PHF21B: variants seen among roughly 807,000 people sequenced by gnomAD.
The protein encoded by PHF21B is PHD finger protein 21B, also known as PHD finger protein 4.
Under a neutral mutation model 62.2 loss-of-function variants are expected in PHF21B, and 22 were observed. That is an observed-to-expected ratio of 0.35 (90% confidence interval 0.25 to 0.51). The LOEUF (loss-of-function observed/expected upper bound fraction) is 0.51. Among genes scored for constraint, PHF21B ranks in the 20% least tolerant of loss-of-function variants. The probability of loss-of-function intolerance (pLI) is 0.97; values close to 1 mark genes in which losing one functional copy is unlikely to be tolerated. For synonymous variants in PHF21B, 341 were observed against 314.7 expected (o/e 1.08, Z -0.88); for missense variants, 701 against 707.9 (o/e 0.99, Z 0.11).
chr22:45,008,332 G>C (rs960107011), intron 2 of PHF21B: 5 of 413,546 alleles, frequency 1.2e-5, no homozygotes, highest in African/African-American at 2.1e-5. Flanking sequence ...TCCTCTCTTC[G>C]GCCCCCGCAG....
At chr22:44,918,698 G>A (rs2071482730) in intron 3 of PHF21B, among the ~76,000 whole-genome samples, 1 of 152,258 alleles carries the variant, frequency 6.6e-6, no homozygotes, top group Non-Finnish European at 1.5e-5. Flanking sequence ...CTGTCCTGGA[G>A]GCCAGCAGGC....
Position 45,009,336 on chromosome 22 carries a change from G to A in PHF21B, c.54+160C>T, listed in dbSNP as rs2073383530. 37 of 729,486 alleles carry A rather than the reference G, an allele frequency of 5.1e-5. No individual in the cohort carries two copies. The South Asian group carries it at 6.9e-4, about 14-fold the overall frequency. The allele number at this position is 729,486 out of a possible 1,614,324, so 45.2% of individuals were successfully genotyped here. ...GGGCAGGCGGAGGGGAGCCCAGAAG[G>A]GGGTCCGCGCGTGTGCTCACTCCCT... is the stretch of plus-strand genomic sequence containing the variant. On this transcript the variant is annotated intron_variant, in intron 1 of 12. Coordinates refer to ENST00000313237, the MANE Select transcript of PHF21B (RefSeq NM_138415.5). This position sits in a 1 kb window ranked among gnomAD's most constrained non-coding sequence, Gnocchi z 5.9.
intron 2 of PHF21B, chr22:45,000,601 A>G (rs2073198017): frequency 6.6e-6 from 1 of 152,144 alleles, no homozygotes; most frequent in Non-Finnish European, 1.5e-5. Flanking sequence ...ATTCAAAGTT[A>G]ATTGAAATCA....
At chr22:44,914,774 G>A (rs988307355) in intron 4 of PHF21B, among the ~76,000 whole-genome samples, 11 of 152,226 alleles carry the variant, frequency 7.2e-5, no homozygotes, top group African/African-American at 2.4e-4. Flanking sequence ...CTGCCTCGAG[G>A]CTCAGGGGGT....
chr22:44,995,215 C>A (rs2073101069), intron 2 of PHF21B, among the ~76,000 whole-genome samples: 1 of 152,170 alleles, frequency 6.6e-6, no homozygotes, highest in Non-Finnish European at 1.5e-5. Flanking sequence ...GATACAAGTG[C>A]CACAGAAGTT....
At chr22:44,891,241 C>G in intron 8 of PHF21B, 65 bp downstream of exon 8, 1 of 1,579,710 alleles carries the variant, frequency 6.3e-7, no homozygotes, top group Non-Finnish European at 8.6e-7. Flanking sequence ...GCGTGGAGGA[C>G]CACCCAGGGA....
At chr22:45,004,610 G>A (rs2073280766) in intron 2 of PHF21B, among the ~76,000 whole-genome samples, 1 of 152,194 alleles carries the variant, frequency 6.6e-6, no homozygotes, top group African/African-American at 2.4e-5. Flanking sequence ...CCTTTCTGGA[G>A]GAGAGTAAGC....
intron 2 of PHF21B, among the ~76,000 whole-genome samples, chr22:45,007,227 C>T (rs952826192): frequency 4.6e-5 from 2 of 43,192 alleles, no homozygotes; most frequent in African/African-American, 7.3e-5. Flanking sequence ...AGCCCGGCCC[C>T]CCCCAAAACC....
At chr22:44,952,512 C>T (rs774076956) in intron 2 of PHF21B, among the ~76,000 whole-genome samples, 64 of 152,102 alleles carry the variant, frequency 4.2e-4, no homozygotes, top group Non-Finnish European at 7.8e-4. Context: ...GAGGCAGAAC[C>T]GAAGAAAAAG....
chr22:44,944,855 G>C (rs1221766144), intron 2 of PHF21B, among the ~76,000 whole-genome samples: 2 of 114,720 alleles, frequency 1.7e-5, no homozygotes, highest in East Asian at 9.6e-4. Flanking sequence ...TGGAAGGAAG[G>C]ACTTGGGGAA....
At chr22:44,983,183 G>C (rs966844408) in intron 2 of PHF21B, among the ~76,000 whole-genome samples, 1 of 151,036 alleles carries the variant, frequency 6.6e-6, no homozygotes, top group Non-Finnish European at 1.5e-5. Flanking sequence ...ACAGTGAGCC[G>C]AGATCATGCC....
chr22:44,997,562 T>TG (rs1184299102), intron 2 of PHF21B, among the ~76,000 whole-genome samples: 1 of 152,218 alleles, frequency 6.6e-6, no homozygotes, highest in African/African-American at 2.4e-5. Flanking sequence ...TAGACTCGTA[T>TG]TGCTGATTGT....
intron 2 of PHF21B, among the ~76,000 whole-genome samples, chr22:44,996,657 C>T (rs747650264): frequency 9.9e-5 from 15 of 151,720 alleles, no homozygotes; most frequent in Admixed American, 2.6e-4. Flanking sequence ...ACCTGTCCTA[C>T]ACACACACAC....
intron 1 of PHF21B, chr22:45,008,955 G>T (rs973717430): frequency 1.9e-6 from 2 of 1,080,824 alleles, no homozygotes; most frequent in African/African-American, 3.4e-5. Flanking sequence ...AAAGAGCCAA[G>T]TAAACACGGC....
At chr22:44,945,819 G>C (rs73178261) in intron 2 of PHF21B, among the ~76,000 whole-genome samples, 62 of 152,184 alleles carry the variant, frequency 4.1e-4, no homozygotes, top group African/African-American at 1.4e-3. Context: ...GGCTCCAAAG[G>C]GGGCTGAGTG....
chr22:44,889,647 G>T (rs952140780), intron 9 of PHF21B, 113 bp downstream of exon 9: 26 of 1,302,466 alleles, frequency 2.0e-5, no homozygotes, highest in Middle Eastern at 3.7e-4. Flanking sequence ...GAACCGAAAG[G>T]CCTTCTGCAC....
intron 2 of PHF21B, among the ~76,000 whole-genome samples, chr22:44,986,430 T>G (rs73180234): frequency 6.7e-6 from 1 of 149,276 alleles, no homozygotes; most frequent in Non-Finnish European, 1.5e-5. Flanking sequence ...TGCATCCGCA[T>G]GATCCAATCC....
intron 10 of PHF21B, among the ~76,000 whole-genome samples, chr22:44,886,876 T>A (rs2070868537): frequency 6.6e-6 from 1 of 152,004 alleles, no homozygotes; most frequent in Admixed American, 6.6e-5. Flanking sequence ...ACTCCCGGCC[T>A]GGGTGCAGTG....
At chr22:44,995,282 T>C (rs931971851) in intron 2 of PHF21B, among the ~76,000 whole-genome samples, 7 of 152,216 alleles carry the variant, frequency 4.6e-5, no homozygotes, top group African/African-American at 1.7e-4. Context: ...AAGCCGCTTC[T>C]TTGGTACCGT....
Sources: allele counts gnomAD v4.1 joint callset (sites outside exome capture counted in the v4.1 genomes callset), GRCh38; gene constraint gnomAD v4.1.1; non-coding constraint Gnocchi (gnomAD v3.1); transcripts MANE v1.5; gene names NCBI Gene and HGNC (gene_info 2026-07-23, HGNC 2026-07-21).